BBS2: variants seen among roughly 807,000 people sequenced by gnomAD.
The protein encoded by BBS2 is BBSome complex member BBS2.
Under a neutral mutation model 83.0 loss-of-function variants are expected in BBS2, and 62 were observed. The ratio of observed to expected loss-of-function variants is 0.75; its 90% CI spans 0.61 to 0.92. The LOEUF is 0.92. Ranked by LOEUF, BBS2 falls within the 40% of genes least tolerant of loss-of-function variation. The pLI is 0.00. For missense variants in BBS2, 784 were observed against 901.0 expected, an observed-to-expected ratio of 0.87 and a Z score of 1.66; for synonymous variants, 303 against 326.1, an observed-to-expected ratio of 0.93 and a Z score of 0.76.
chr16:56,484,879 G>A lies in BBS2; in HGVS notation c.2060-12C>T. On this transcript the variant is annotated splice_polypyrimidine_tract_variant and intron_variant, in intron 16 of 16. Transcript: ENST00000245157. ...CTTTGGTTTTCCAACTGCATAAGAA[G>A]AAACATCAGGAACCAAAAGATTGTT... The A allele has an allele frequency of 1.3e-6, 2 of 1,594,314 alleles. No individual in the cohort carries two copies. Among genetic ancestry groups the A allele is most frequent in the Non-Finnish European group, 1.7e-6 (2 of 1,162,158 alleles).
chr16:56,509,864 T>G, intron 5 of BBS2, 93 bp downstream of exon 5: 16 of 1,342,656 alleles, frequency 1.2e-5, no homozygotes, highest in Non-Finnish European at 1.7e-5. Flanking sequence ...CACCTGGGTT[T>G]GGAGATGCCC....
chr16:56,502,122 G>T, intron 9 of BBS2, 195 bp downstream of exon 9: 1 of 763,020 alleles, frequency 1.3e-6, no homozygotes, highest in Non-Finnish European at 2.2e-6. Context: ...TAAACAATCA[G>T]GAAAACATTT....
At chr16:56,495,800 GTA>G (rs759782684) in intron 15 of BBS2, among the ~76,000 whole-genome samples, 29 of 148,776 alleles carry the variant, frequency 1.9e-4, no homozygotes, top group East Asian at 3.9e-4. Context: ...GTATATATAT[GTA>G]TATATATATA....
intron 2 of BBS2, among the ~76,000 whole-genome samples, chr16:56,512,959 C>T (rs190102332): frequency 5.8e-4 from 89 of 152,248 alleles, no homozygotes; most frequent in African/African-American, 2.0e-3. Flanking sequence ...TTGAGACCAG[C>T]CTGGCCAACA....
At chr16:56,482,238 T>A (rs1963674325), downstream of BBS2, among the ~76,000 whole-genome samples, 1 of 152,144 alleles carries the variant, frequency 6.6e-6, no homozygotes, top group Non-Finnish European at 1.5e-5. Flanking sequence ...AAACAAAGAC[T>A]CAACAGTAGG....
At chr16:56,499,646 G>T in intron 12 of BBS2, 132 bp downstream of exon 12, 2 of 1,302,126 alleles carry the variant, frequency 1.5e-6, no homozygotes, top group South Asian at 1.2e-5. Context: ...CCACCCCCAA[G>T]TTAGAGAATT....
chr16:56,484,727 T>C lies in BBS2; in HGVS notation c.*34A>G, dbSNP rs199627406. The C allele has an allele frequency of 2.1e-4, 328 of 1,583,304 alleles. 2 individuals carry two copies. The African/African-American group carries it at 4.0e-3, about 19-fold the overall frequency. The stretch of plus-strand genomic sequence containing the variant: ...AGCATAGGTTTTTAACAGAAAATCT[T>C]TGCCAGGAACTTCATGACCTGTATT... On this transcript the variant is annotated 3_prime_UTR_variant, in exon 17 of 17. Transcript: ENST00000245157.
chr16:56,475,972 TC>T (rs1430085417), intron 17 of BBS2: 3 of 1,340,144 alleles, frequency 2.2e-6, no homozygotes, highest in Non-Finnish European at 2.1e-6. Context: ...AACCATCTGT[TC>T]CATGGTTAAT....
At chr16:56,503,635 T>C (rs1163925383) in intron 7 of BBS2, among the ~76,000 whole-genome samples, 2 of 152,218 alleles carry the variant, frequency 1.3e-5, no homozygotes, top group Non-Finnish European at 2.9e-5. Flanking sequence ...ATGAAGATTA[T>C]GAGGCCGGGC....
chr16:56,499,841 G>A lies in BBS2; in HGVS notation c.1464C>T (p.Ser488=). Residue 488 remains serine, a synonymous_variant, in exon 12 of 17, where the codon AGC becomes AGT. Transcript: ENST00000245157. ...LPRFSMYALT[S]LDPASEPISY... ...TGATTGGCTCACTGGCAGGGTCCAG[G>A]CTGGTCAGCGCATACATGGAGAATC... 2 of 1,614,188 alleles carry A rather than the reference G, an allele frequency of 1.2e-6. No individual in the cohort carries two copies. Among genetic ancestry groups the A allele is most frequent in the East Asian group, 2.2e-5 (1 of 44,886 alleles).
rs1199484955 is a variant in BBS2 at position 56,476,047 on chromosome 16, C to G, written c.*1-5352G>C. 3.1e-6 allele frequency: 5 copies of G among 1,609,082 alleles called. No individual in the cohort carries two copies. The Admixed American group carries it at 6.8e-5, about 22-fold the overall frequency. On this transcript the variant is annotated intron_variant, in intron 17 of 17. Transcript: ENST00000682047. ...TCACTGTATTTGTCTTTTTCAGCTG[C>G]TAACAGTGAATCCAGAAAGCAATTC...
intron 1 of BBS2, among the ~76,000 whole-genome samples, chr16:56,519,284 T>C (rs1490593651): frequency 2.3e-4 from 34 of 148,594 alleles, no homozygotes; most frequent in African/African-American, 7.7e-4. Flanking sequence ...CGACCCGAGA[T>C]TGCGCCACTG....
rs76163868 is a variant in BBS2, at chr16:56,502,168, C to T, written c.1080+149G>A. On this transcript the variant is annotated intron_variant, in intron 9 of 16. Coordinates refer to ENST00000245157, the MANE Select transcript of BBS2 (RefSeq NM_031885.5). ...ACTACCTGGAAATGAAATTTCAAGA[C>T]GAAAGCATATATCCCCTCTCAATTC... The T allele has an allele frequency of 0.057, 60,174 of 1,052,702 alleles. 2,581 individuals are homozygous for T. Among genetic ancestry groups the T allele is most frequent in the African/African-American group, 0.14 (8,767 of 63,956 alleles). 65.2% of individuals were successfully genotyped at this position (1,052,702 alleles called of 1,614,324 possible).
At chr16:56,495,756 G>C (rs1329990723) in intron 15 of BBS2, among the ~76,000 whole-genome samples, 1 of 131,764 alleles carries the variant, frequency 7.6e-6, no homozygotes, top group Non-Finnish European at 1.6e-5. Flanking sequence ...TTATACAGAC[G>C]TGTGTATATA....
chr16:56,487,776 AGCACAAGTAGC>A (rs2144101743), intron 15 of BBS2, among the ~76,000 whole-genome samples: 1 of 152,324 alleles, frequency 6.6e-6, no homozygotes, highest in Non-Finnish European at 1.5e-5. Context: ...AGAACAAACA[AGCACAAGTAGC>A]TAGGAAAAAC....
chr16:56,501,788 C>T (rs538974183), intron 9 of BBS2: 3 of 442,796 alleles, frequency 6.8e-6, no homozygotes, highest in Non-Finnish European at 1.2e-5. Context: ...AACAAATTCC[C>T]TTGTTACATC....
chr16:56,519,732 G>C lies in BBS2; in HGVS notation c.117+14C>G. The C allele has an allele frequency of 6.3e-7, 1 of 1,595,914 alleles. No individual in the cohort carries two copies. The highest frequency in any genetic ancestry group is 8.6e-7 in the Non-Finnish European group (1 of 1,164,742). On this transcript the variant is annotated intron_variant, in intron 1 of 16. Coordinates refer to ENST00000245157, the MANE Select transcript of BBS2 (RefSeq NM_031885.5). ...TCCCTGGGGCCCGGGCTCCCTGCGG[G>C]TGGGAGCGGTTACCTTGCCCGTTTG...
chr16:56,491,941 T>C (rs976922452), intron 15 of BBS2, among the ~76,000 whole-genome samples: 18 of 151,760 alleles, frequency 1.2e-4, no homozygotes, highest in Admixed American at 3.9e-4. Flanking sequence ...ACAACAAGTG[T>C]TGGCAAGGAT....
At chr16:56,505,893 T>A in intron 7 of BBS2, 57 bp downstream of exon 7, 1 of 1,346,960 alleles carries the variant, frequency 7.4e-7, no homozygotes, top group South Asian at 1.2e-5. Flanking sequence ...CTACAGCCAA[T>A]ACACCTTGGA....
Sources: gnomAD v4.1 joint callset for allele counts (sites outside exome capture counted in the v4.1 genomes callset) on GRCh38, gnomAD v4.1.1 for gene constraint, MANE v1.5 for transcripts, NCBI Gene and HGNC (gene_info 2026-07-23, HGNC 2026-07-21) for gene names.